FHOD3: variants seen among roughly 807,000 people sequenced by gnomAD.
The protein encoded by FHOD3 is formin homology 2 domain containing 3, also known as FH1/FH2 domain-containing protein 3.
In FHOD3, 90 loss-of-function variants were observed where a neutral mutation model predicts 173.0. The observed-to-expected ratio is 0.52, with a 90% CI of 0.44 to 0.62. The LOEUF (loss-of-function observed/expected upper bound fraction) is 0.62. Among genes scored for constraint, FHOD3 ranks in the 20% least tolerant of loss-of-function variants. FHOD3 has a pLI of 0.00. For missense variants in FHOD3, 1,945 were observed against 2,034.7 expected (o/e 0.96, Z 0.85); for synonymous variants, 828 against 823.0 (o/e 1.01, Z -0.10).
At chr18:36,346,654 C>T (rs1412921049) in intron 1 of FHOD3, among the ~76,000 whole-genome samples, 1 of 152,190 alleles carries the variant, frequency 6.6e-6, no homozygotes, top group African/African-American at 2.4e-5. Context: ...ACTGGATTCA[C>T]CATTGTCCAA....
intron 5 of FHOD3, among the ~76,000 whole-genome samples, chr18:36,548,831 G>T (rs2057522430): frequency 6.6e-6 from 1 of 152,080 alleles, no homozygotes; most frequent in Admixed American, 6.5e-5. Context: ...TACATGTTTT[G>T]GTGGACATTT....
At chr18:36,410,746 T>A (rs1023562669) in intron 3 of FHOD3, among the ~76,000 whole-genome samples, 1 of 152,222 alleles carries the variant, frequency 6.6e-6, no homozygotes, top group African/African-American at 2.4e-5. Context: ...GCATTTCCCA[T>A]GTGGCTAATG....
intron 28 of FHOD3, among the ~76,000 whole-genome samples, chr18:36,770,958 A>G (rs72883540): frequency 0.057 from 8,603 of 152,168 alleles, 370 homozygotes; most frequent in Non-Finnish European, 0.08. Flanking sequence ...GTTCAGGGAG[A>G]CTGGCTTGTA....
Position 36,755,310 on chromosome 18 carries a change from A to C in FHOD3, c.4424A>C (p.Asp1475Ala). 6.5e-7 allele frequency: 1 copy of C among 1,541,770 alleles called. No individual in the cohort carries two copies. The highest frequency in any genetic ancestry group is 8.8e-7 in the Non-Finnish European group (1 of 1,136,638). ...AAGACCAGAGGGAAGATGATCACCG[A>C]TGTAAGTTTCACACAATCCCTCTCC... ...RNKTRGKMIT[D>A]TDEEEEVESG... The change falls in exon 25 of 29, where the codon GAT (aspartate) becomes GCT (alanine). Residue 1475 changes from aspartate to alanine, a missense_variant and splice_region_variant. By Grantham distance (126) the Asp-to-Ala change is moderately radical. Around this residue, in one of 5 missense-constraint regions of FHOD3, gnomAD observed 354 missense variants for 359.9 expected, o/e 0.98. Transcript: ENST00000590592.
chr18:36,478,548 C>T (rs2053713949), intron 3 of FHOD3, among the ~76,000 whole-genome samples: 1 of 152,090 alleles, frequency 6.6e-6, no homozygotes, highest in Admixed American at 6.5e-5. Flanking sequence ...ATCCCCACTC[C>T]CTCTGCCAAT....
chr18:36,711,042 C>T (rs1286012564), intron 18 of FHOD3: 1 of 152,168 alleles, frequency 6.6e-6, no homozygotes, highest in Non-Finnish European at 1.5e-5. Context: ...GAAACCGTTC[C>T]CAGTGAAGAA....
intron 4 of FHOD3, among the ~76,000 whole-genome samples, chr18:36,512,134 C>T (rs116102548): frequency 0.01 from 1,546 of 152,330 alleles, 20 homozygotes; most frequent in African/African-American, 0.035. Flanking sequence ...GGAGTAGAGC[C>T]TGGTGTTTCT....
At chr18:36,384,264 T>C (rs752278486) in intron 3 of FHOD3, among the ~76,000 whole-genome samples, 10 of 151,790 alleles carry the variant, frequency 6.6e-5, no homozygotes, top group Non-Finnish European at 7.4e-5. Context: ...CCTGTAGTCC[T>C]AGCTACTTGG....
chr18:36,563,216 C>T (rs185044991), intron 5 of FHOD3, among the ~76,000 whole-genome samples: 5 of 152,274 alleles, frequency 3.3e-5, no homozygotes, highest in Admixed American at 2.6e-4. Flanking sequence ...TTTTACATAA[C>T]ATCCAAAAAC....
intron 5 of FHOD3, among the ~76,000 whole-genome samples, chr18:36,528,624 C>T (rs562611405): frequency 6.6e-6 from 1 of 152,310 alleles, no homozygotes; most frequent in Non-Finnish European, 1.5e-5. Flanking sequence ...GTAGTAAGTT[C>T]ACCCCTGTGG....
intron 5 of FHOD3, among the ~76,000 whole-genome samples, chr18:36,529,723 C>T (rs927159268): frequency 6.6e-5 from 10 of 152,044 alleles, no homozygotes; most frequent in African/African-American, 2.4e-4. Flanking sequence ...TCGCTTGAAC[C>T]CAGGAGGCAG....
intron 19 of FHOD3, among the ~76,000 whole-genome samples, chr18:36,720,438 A>G (rs1161063162): frequency 6.6e-6 from 1 of 151,790 alleles, no homozygotes; most frequent in Non-Finnish European, 1.5e-5. Flanking sequence ...GGGTTTCACC[A>G]TGTTGGCCAG....
At chr18:36,689,388 T>C (rs779433576) in intron 16 of FHOD3, among the ~76,000 whole-genome samples, 5 of 152,058 alleles carry the variant, frequency 3.3e-5, no homozygotes, top group Non-Finnish European at 7.4e-5. Context: ...CAGCAGATGG[T>C]TTTTGAGGTT....
intron 5 of FHOD3, among the ~76,000 whole-genome samples, chr18:36,572,260 C>T (rs1388021953): frequency 2.0e-5 from 3 of 152,220 alleles, no homozygotes; most frequent in Middle Eastern, 3.2e-3. Flanking sequence ...TCAGCCTCCA[C>T]ATTCTTCTTG....
At chr18:36,676,255 G>A (rs1249270213) in intron 14 of FHOD3, among the ~76,000 whole-genome samples, 1 of 152,140 alleles carries the variant, frequency 6.6e-6, no homozygotes, top group Non-Finnish European at 1.5e-5. Flanking sequence ...TGCCATACAT[G>A]TATTTAAACT....
At chr18:36,548,195 A>C (rs913128358) in intron 5 of FHOD3, among the ~76,000 whole-genome samples, 1 of 152,076 alleles carries the variant, frequency 6.6e-6, no homozygotes, top group African/African-American at 2.4e-5. Context: ...ATGTCTCAAA[A>C]ACAAAAAAAA....
chr18:36,605,794 G>C (rs1012600895), intron 8 of FHOD3, among the ~76,000 whole-genome samples: 1 of 152,076 alleles, frequency 6.6e-6, no homozygotes, highest in Non-Finnish European at 1.5e-5. Context: ...TGTTAATCTG[G>C]GTCTGGAAAA....
chr18:36,321,813 A>G (rs1197894094), intron 1 of FHOD3, among the ~76,000 whole-genome samples: 1 of 152,208 alleles, frequency 6.6e-6, no homozygotes, highest in African/African-American at 2.4e-5. Context: ...TCCCATCTAC[A>G]GAGGAGAGGA....
At chr18:36,389,002 G>A (rs1170037153) in intron 3 of FHOD3, among the ~76,000 whole-genome samples, 2 of 152,184 alleles carry the variant, frequency 1.3e-5, no homozygotes, top group Non-Finnish European at 2.9e-5. Context: ...CCTGATAGGC[G>A]CTTCTTGCCA....
Sources: gnomAD v4.1 joint callset for allele counts (sites outside exome capture counted in the v4.1 genomes callset) on GRCh38, gnomAD v4.1.1 for gene constraint, gnomAD v4.1.1 regional missense constraint, MANE v1.5 for transcripts, NCBI Gene and HGNC (gene_info 2026-07-23, HGNC 2026-07-21) for gene names.